The following DOK6 variants were observed in gnomAD, a reference collection of about 807,000 sequenced individuals.
The protein encoded by DOK6 is docking protein 6.
DOK6 carries 22 observed loss-of-function variants against 44.0 expected under a neutral mutation model. The ratio of observed to expected loss-of-function variants is 0.50; its 90% CI spans 0.36 to 0.71. The LOEUF (loss-of-function observed/expected upper bound fraction) is 0.71, where lower values mean the gene tolerates loss of function less well. Ranked by LOEUF, DOK6 falls within the 30% of genes least tolerant of loss-of-function variation. The probability of loss-of-function intolerance (pLI) is 0.00; values close to 1 mark genes in which losing one functional copy is unlikely to be tolerated. For synonymous variants in DOK6, 166 were observed against 145.5 expected, an observed-to-expected ratio of 1.14 and a Z score of -1.01; for missense variants, 340 against 416.4, an observed-to-expected ratio of 0.82 and a Z score of 1.60.
chr18:69,608,748 G>A (rs1451311056), intron 3 of DOK6, among the ~76,000 whole-genome samples: 1 of 151,674 alleles, frequency 6.6e-6, no homozygotes, highest in Non-Finnish European at 1.5e-5. Context: ...TCAGGAATTC[G>A]AGACCAGCCT....
At chr18:69,815,470 A>G (rs1001001570) in intron 7 of DOK6, among the ~76,000 whole-genome samples, 1 of 152,178 alleles carries the variant, frequency 6.6e-6, no homozygotes, top group African/African-American at 2.4e-5. Flanking sequence ...ACTTGGGACT[A>G]CGAATAAGGT....
intron 4 of DOK6, among the ~76,000 whole-genome samples, chr18:69,682,985 A>C (rs1040736248): frequency 5.3e-5 from 8 of 152,228 alleles, no homozygotes; most frequent in Admixed American, 3.9e-4. Flanking sequence ...TAATGACAAA[A>C]CAACGGCCAC....
chr18:69,401,306 T>C lies in DOK6; in HGVS notation c.62T>C (p.Leu21Pro), dbSNP rs1177741885. Reference sequence around the variant, plus strand: ...TACGTGAAAATCCGCAGCAGGAAGCTTGGGGTGAGTGGCTCGCTCGGCTTG... The same window carrying C: ...TACGTGAAAATCCGCAGCAGGAAGCCTGGGGTGAGTGGCTCGCTCGGCTTG... ...QGYVKIRSRK[L>P]GIFRRCWLVF... Residue 21 changes from leucine (L) to proline (P), a missense_variant, in exon 1 of 8, where the codon CTT becomes CCT. Transcript: ENST00000382713. 1 of 1,571,318 alleles carries C rather than the reference T, an allele frequency of 6.4e-7. No homozygotes were observed. The highest frequency in any genetic ancestry group is 8.6e-7 in the Non-Finnish European group (1 of 1,159,324).
chr18:69,491,218 C>T (rs1256414042), intron 1 of DOK6, among the ~76,000 whole-genome samples: 1 of 152,116 alleles, frequency 6.6e-6, no homozygotes, highest in Admixed American at 6.6e-5. Context: ...TTTAAATTAA[C>T]CAACCAATGT....
rs191103926 is a variant in DOK6 at position 69,801,450 on chromosome 18, T to C, written c.857-39794T>C. ...AAGGCCACCAAATATCGGAAGATTA[T>C]GTAAACTATTAAAACAGCCACGTAA... On this transcript the variant is annotated intron_variant, in intron 7 of 7. Coordinates refer to ENST00000382713, the MANE Select transcript of DOK6 (RefSeq NM_152721.6). Among the ~76,000 whole-genome samples, 141 of 152,354 alleles carry C rather than the reference T, an allele frequency of 9.3e-4. 2 individuals carry two copies. Among genetic ancestry groups the C allele is most frequent in the African/African-American group, 3.0e-3 (124 of 41,592 alleles).
At chr18:69,758,653 GA>G (rs1979440859) in intron 7 of DOK6, among the ~76,000 whole-genome samples, 1 of 152,130 alleles carries the variant, frequency 6.6e-6, no homozygotes, top group Non-Finnish European at 1.5e-5. Context: ...TAGAAACTAA[GA>G]AAATAAGGCT....
chr18:69,463,746 C>G (rs2122478100), intron 1 of DOK6, among the ~76,000 whole-genome samples: 1 of 151,128 alleles, frequency 6.6e-6, no homozygotes, highest in African/African-American at 2.4e-5. Context: ...TATGTAAATG[C>G]ATGTTTGTGT....
intron 3 of DOK6, among the ~76,000 whole-genome samples, chr18:69,667,887 C>T (rs1027360333): frequency 2.6e-5 from 4 of 152,088 alleles, no homozygotes; most frequent in Non-Finnish European, 4.4e-5. Context: ...TTTATAAGTC[C>T]GATCTGAATT....
chr18:69,563,492 T>C (rs1480370641), intron 1 of DOK6, among the ~76,000 whole-genome samples: 2 of 152,008 alleles, frequency 1.3e-5, no homozygotes, highest in African/African-American at 4.8e-5. Context: ...TGAGTTCATA[T>C]CCTTTGTAGG....
rs536797591 is a variant in DOK6, at chr18:69,749,954, A to C, written c.739-7802A>C. On this transcript the variant is annotated intron_variant, in intron 6 of 7. Coordinates refer to ENST00000382713, the MANE Select transcript of DOK6 (RefSeq NM_152721.6). ...CGAGACTCCATCAAAAAAAAAAAAA[A>C]AGTTCTGGGTCAAATACCGGGTAAA... Among the ~76,000 whole-genome samples, 778 of 148,896 alleles carry C rather than the reference A, an allele frequency of 5.2e-3. 27 individuals carry two copies. The highest frequency in any genetic ancestry group is 2.9e-3 in the Non-Finnish European group (192 of 67,020).
intron 5 of DOK6, among the ~76,000 whole-genome samples, chr18:69,725,541 G>C (rs1448383467): frequency 6.6e-6 from 1 of 152,202 alleles, no homozygotes; most frequent in African/African-American, 2.4e-5. Context: ...TGGCTGGAGT[G>C]CAGTGGCACG....
At chr18:69,555,555 T>C (rs1265498594) in intron 1 of DOK6, among the ~76,000 whole-genome samples, 1 of 152,202 alleles carries the variant, frequency 6.6e-6, no homozygotes, top group Non-Finnish European at 1.5e-5. Flanking sequence ...TATCCATATA[T>C]GTGTTTATTG....
intron 1 of DOK6, among the ~76,000 whole-genome samples, chr18:69,489,034 CT>C (rs1269396646): frequency 6.6e-6 from 1 of 152,116 alleles, no homozygotes; most frequent in Non-Finnish European, 1.5e-5. Context: ...ACACATAGAA[CT>C]TTTCTACTAA....
At chr18:69,518,746 T>C (rs983940820) in intron 1 of DOK6, among the ~76,000 whole-genome samples, 1 of 152,100 alleles carries the variant, frequency 6.6e-6, no homozygotes, top group Non-Finnish European at 1.5e-5. Context: ...CTAAAAAATA[T>C]GTATCAAAGT....
At chr18:69,456,730 C>A (rs1979643540) in intron 1 of DOK6, among the ~76,000 whole-genome samples, 1 of 152,168 alleles carries the variant, frequency 6.6e-6, no homozygotes, top group Non-Finnish European at 1.5e-5. Flanking sequence ...CTCCAAACTG[C>A]TTTCCACAGT....
At chr18:69,452,630 A>G (rs1424511100) in intron 1 of DOK6, among the ~76,000 whole-genome samples, 1 of 144,806 alleles carries the variant, frequency 6.9e-6, no homozygotes, top group African/African-American at 2.6e-5. Context: ...TTAGACCAAT[A>G]TCCTTGATGA....
At chr18:69,501,007 T>C (rs2144548324) in intron 1 of DOK6, among the ~76,000 whole-genome samples, 1 of 152,214 alleles carries the variant, frequency 6.6e-6, no homozygotes, top group South Asian at 2.1e-4. Context: ...TCCCTTCTAC[T>C]TTTTTTGAAA....
chr18:69,538,096 T>C (rs141878144), intron 1 of DOK6, among the ~76,000 whole-genome samples: 3 of 152,308 alleles, frequency 2.0e-5, no homozygotes, highest in African/African-American at 7.2e-5. Context: ...TATTGAAATC[T>C]AAGGTAAATA....
chr18:69,573,081 G>T (rs1983153809), intron 2 of DOK6, among the ~76,000 whole-genome samples: 1 of 151,560 alleles, frequency 6.6e-6, no homozygotes, highest in Admixed American at 6.6e-5. Context: ...GTTTATGTGT[G>T]TAATTATAGG....
Sources: gnomAD v4.1 joint callset for allele counts (sites outside exome capture counted in the v4.1 genomes callset) on GRCh38, gnomAD v4.1.1 for gene constraint, MANE v1.5 for transcripts, NCBI Gene and HGNC (gene_info 2026-07-23, HGNC 2026-07-21) for gene names.